Variants in ERI1 observed in about 807,000 individuals in gnomAD.
The protein encoded by ERI1 is exoribonuclease 1.
ERI1 carries 39 observed loss-of-function variants against 39.7 expected under a neutral mutation model. The ratio of observed to expected loss-of-function variants is 0.98; its 90% CI spans 0.76 to 1.28. ERI1 has a LOEUF of 1.28. ERI1 is among the 50% of genes most tolerant of loss of function. The pLI is 0.00. For missense variants in ERI1, 581 were observed against 416.9 expected (o/e 1.39, Z -3.43); for synonymous variants, 204 against 149.6 (o/e 1.36, Z -2.65).
At chr8:9,062,164 A>T (rs1798721065) in intron 3 of ERI1, among the ~76,000 whole-genome samples, 1 of 152,146 alleles carries the variant, frequency 6.6e-6, no homozygotes, top group Admixed American at 6.5e-5. Context: ...ATCTTTTTAA[A>T]GCGTGCTGTG....
intron 3 of ERI1, among the ~76,000 whole-genome samples, chr8:9,047,136 C>A (rs890003246): frequency 1.3e-5 from 2 of 152,360 alleles, no homozygotes; most frequent in African/African-American, 4.8e-5. Flanking sequence ...CCCTGACCAT[C>A]TTCCTGCACA....
rs939245928 is a variant in ERI1 at position 9,003,957 on chromosome 8, T to A, written c.108+786T>A. On this transcript the variant is annotated intron_variant, in intron 1 of 6. Transcript: ENST00000250263. ...CTGGCAGCTAGAATGAGCTTTTCAATAACATGAATTTGGCTTATTCCCCTC... is the reference window on the plus strand; with the variant it reads ...CTGGCAGCTAGAATGAGCTTTTCAAAAACATGAATTTGGCTTATTCCCCTC... 8.4e-6 allele frequency: 5 copies of A among 592,824 alleles called. No homozygotes were observed. The Admixed American group carries it at 1.2e-4, about 14-fold the overall frequency. The allele number at this position is 592,824 out of a possible 1,614,324, so 36.7% of individuals were successfully genotyped here. A position where few individuals can be genotyped will look rare whatever the true frequency, so the allele number is the denominator to read the frequency against.
At chr8:9,056,525 A>G (rs74769705) in intron 3 of ERI1, among the ~76,000 whole-genome samples, 17 of 50,510 alleles carry the variant, frequency 3.4e-4, no homozygotes, top group Admixed American at 2.5e-3. Flanking sequence ...ATATTTGTCC[A>G]AAAAAGATGT....
chr8:9,044,191 C>T (rs1798108959), intron 3 of ERI1, among the ~76,000 whole-genome samples: 1 of 152,146 alleles, frequency 6.6e-6, no homozygotes, highest in Non-Finnish European at 1.5e-5. Flanking sequence ...GATAAAACAT[C>T]TTCAAATAAA....
downstream of ERI1, among the ~76,000 whole-genome samples, chr8:9,034,240 A>G (rs1412476744): frequency 6.6e-6 from 1 of 152,266 alleles, no homozygotes; most frequent in Non-Finnish European, 1.5e-5. Flanking sequence ...AATGTTCTCA[A>G]GGTAAATTTC....
At chr8:9,093,022 C>T (rs1396417175) in intron 3 of ERI1, among the ~76,000 whole-genome samples, 4 of 152,196 alleles carry the variant, frequency 2.6e-5, no homozygotes, top group African/African-American at 4.8e-5. Flanking sequence ...CTGCTTTCCC[C>T]GTGTGAGTAT....
At chr8:9,074,989 C>T (rs974066423) in intron 3 of ERI1, among the ~76,000 whole-genome samples, 2 of 152,130 alleles carry the variant, frequency 1.3e-5, no homozygotes, top group African/African-American at 4.8e-5. Flanking sequence ...CACGTGTTTA[C>T]TTGCATTCCT....
At chr8:9,076,884 G>A (rs980940606) in intron 3 of ERI1, among the ~76,000 whole-genome samples, 4 of 152,202 alleles carry the variant, frequency 2.6e-5, no homozygotes, top group Non-Finnish European at 5.9e-5. Context: ...AGCTCTCTGG[G>A]GCAGAGTTGA....
rs934807751 is a variant in ERI1, at chr8:9,083,802, C to CT, written n.300-32537dup. On this transcript the variant is annotated intron_variant and non_coding_transcript_variant, in intron 3 of 3. Transcript: ENST00000518663. ...GACCCTGTCTCTATGATTTTTTTTT[C>CT]TTTTTTTTTGAGACAGAGTCTCGCT... Among the ~76,000 whole-genome samples the CT allele has an allele frequency of 6.1e-4, 92 of 149,808 alleles. No homozygotes were observed. In the East Asian group the frequency reaches 0.015, roughly 25 times the overall value.
At chr8:9,077,020 A>G (rs116940733) in intron 3 of ERI1, among the ~76,000 whole-genome samples, 3,784 of 152,348 alleles carry the variant, frequency 0.025, 61 homozygotes, top group Non-Finnish European at 0.038. Context: ...CGCTGCCTCC[A>G]TGCTCTTCCC....
chr8:9,062,021 G>A lies in ERI1; in HGVS notation n.299+41557G>A, dbSNP rs568728248. The stretch of plus-strand genomic sequence containing the variant: ...CGGGGTGGATAGGCAAAACAATTTG[G>A]TTGATAAGGCACAGTCTTGAACTAA... On this transcript the variant is annotated intron_variant and non_coding_transcript_variant, in intron 3 of 3. Transcript: ENST00000518663. 4.6e-5 allele frequency among the ~76,000 whole-genome samples: 7 copies of A among 152,260 alleles called. 1 individual carries two copies. The highest frequency in any genetic ancestry group is 1.7e-4 in the African/African-American group (7 of 41,504).
In ERI1 at chr8:9,003,153, G is replaced by C. The variant is rs1305527534; in HGVS notation, c.90G>C (p.Pro30=). The change falls in exon 1 of 7, where the codon CCG becomes CCC. Residue 30 remains proline (P), a synonymous_variant. Transcript: ENST00000250263. ...ESPRPEGGEE[P]PRPSPEETQQ... is the part of the protein sequence containing the mutation. ...CGCGGCCGGAGGGCGGGGAGGAGCC[G>C]CCGCGTCCCAGTCCCGAGGTGAGGA... The C allele has an allele frequency of 8.0e-6, 10 of 1,243,866 alleles. No homozygotes were observed. The highest frequency in any genetic ancestry group is 9.1e-6 in the Non-Finnish European group (9 of 991,074). 77.1% of individuals were successfully genotyped at this position (1,243,866 alleles called of 1,614,324 possible).
Position 9,011,644 on chromosome 8 carries a change from T to G in ERI1, c.390T>G (p.Ile130Met). 3.1e-6 allele frequency: 5 copies of G among 1,613,546 alleles called. No homozygotes were observed. Among genetic ancestry groups the G allele is most frequent in the Non-Finnish European group, 4.2e-6 (5 of 1,179,630 alleles). ...SNFADSYYDY[I>M]CIIDFEATCE... ...TTGCTGACAGTTATTATGACTACAT[T>G]TGTATTATTGACTTTGAAGCCACTT... is the stretch of plus-strand genomic sequence containing the variant. The change falls in exon 3 of 7, where the codon ATT becomes ATG. Residue 130 changes from isoleucine (I) to methionine (M), a missense_variant. Ile to Met is a conservative substitution (Grantham distance 10, BLOSUM62 1). Transcript: ENST00000250263.
intron 3 of ERI1, among the ~76,000 whole-genome samples, chr8:9,055,635 G>C (rs771620385): frequency 1.4e-4 from 21 of 152,280 alleles, no homozygotes; most frequent in Non-Finnish European, 2.9e-4. Context: ...TGCCTCCCTG[G>C]TTCAAGCCAT....
At chr8:9,042,803 A>G (rs1260643999) in intron 3 of ERI1, among the ~76,000 whole-genome samples, 1 of 152,224 alleles carries the variant, frequency 6.6e-6, no homozygotes, top group East Asian at 1.9e-4. Flanking sequence ...TATCAATATA[A>G]TACGGATATT....
intron 6 of ERI1, among the ~76,000 whole-genome samples, chr8:9,023,627 A>AGT (rs1457103549): frequency 6.6e-6 from 1 of 151,976 alleles, no homozygotes; most frequent in East Asian, 1.9e-4. Flanking sequence ...AGATAACTAT[A>AGT]ATGCAATTAG....
At chr8:9,057,568 T>G (rs1295560100) in intron 3 of ERI1, among the ~76,000 whole-genome samples, 2 of 152,228 alleles carry the variant, frequency 1.3e-5, no homozygotes. Context: ...CATCACATAT[T>G]TTTTATGGGC....
At chr8:9,068,842 G>T (rs1053137284) in intron 3 of ERI1, among the ~76,000 whole-genome samples, 1 of 151,948 alleles carries the variant, frequency 6.6e-6, no homozygotes, top group Non-Finnish European at 1.5e-5. Flanking sequence ...TTTGAGACAG[G>T]GTCTCTTTCT....
intron 3 of ERI1, among the ~76,000 whole-genome samples, chr8:9,039,552 G>A (rs534943798): frequency 6.6e-6 from 1 of 152,196 alleles, no homozygotes; most frequent in South Asian, 2.1e-4. Context: ...ATAACAAGTC[G>A]CAGTCATCTG....
Sources: allele counts gnomAD v4.1 joint callset (sites outside exome capture counted in the v4.1 genomes callset), GRCh38; gene constraint gnomAD v4.1.1; transcripts MANE v1.5; gene names NCBI Gene and HGNC (gene_info 2026-07-23, HGNC 2026-07-21).